CDH23: variants seen among roughly 807,000 people sequenced by gnomAD.
CDH23 encodes cadherin related 23, also known as cadherin-23.
CDH23 carries 189 observed loss-of-function variants against 317.1 expected under a neutral mutation model. The observed-to-expected ratio is 0.60, with a 90% CI of 0.53 to 0.67. CDH23 has a LOEUF of 0.67. CDH23 is among the 30% of genes least tolerant of loss of function. The pLI is 0.00. For synonymous variants in CDH23, 1,839 were observed against 1,876.8 expected (o/e 0.98, Z 0.52); for missense variants, 4,401 against 4,592.4 (o/e 0.96, Z 1.20).
At chr10:71,633,661 A>G (rs1862124457) in intron 11 of CDH23, among the ~76,000 whole-genome samples, 1 of 152,148 alleles carries the variant, frequency 6.6e-6, no homozygotes, top group Admixed American at 6.5e-5. Flanking sequence ...TAGAAAGGAG[A>G]GGGAGATGAA....
intron 3 of CDH23, among the ~76,000 whole-genome samples, chr10:71,496,554 G>C (rs1852983215): frequency 1.3e-5 from 2 of 152,236 alleles, no homozygotes; most frequent in Non-Finnish European, 2.9e-5. Flanking sequence ...AGGCCAGCTA[G>C]TCACAACGTT....
chr10:71,799,594 G>A lies in CDH23; in HGVS notation c.7327G>A (p.Asp2443Asn). Residue 2443 changes from aspartate to asparagine, a missense_variant, in exon 52 of 70, where the codon GAT becomes AAT. Asp to Asn is a conservative substitution (Grantham distance 23, BLOSUM62 1). Transcript: ENST00000224721. ...TGCACTCATTGAGTACAGCCTTGGA[G>A]ATGGAGAGAGCAAGTTTGCCATCAA... ...NFALIEYSLG[D>N]GESKFAINPT... The A allele has an allele frequency of 6.2e-7, 1 of 1,614,084 alleles. No homozygotes were observed. The highest frequency in any genetic ancestry group is 8.5e-7 in the Non-Finnish European group (1 of 1,179,912).
intron 3 of CDH23, among the ~76,000 whole-genome samples, chr10:71,471,190 G>T (rs1851489241): frequency 6.6e-6 from 1 of 152,178 alleles, no homozygotes; most frequent in Non-Finnish European, 1.5e-5. Flanking sequence ...CGCAGTCCCT[G>T]GCTTACTGCA....
At chr10:71,592,951 T>C (rs1859594187) in intron 9 of CDH23, among the ~76,000 whole-genome samples, 1 of 152,184 alleles carries the variant, frequency 6.6e-6, no homozygotes, top group Admixed American at 6.5e-5. Flanking sequence ...ACTCTAGTTA[T>C]CCCATTCTGA....
intron 7 of CDH23, among the ~76,000 whole-genome samples, chr10:71,569,662 G>T (rs1245376425): frequency 6.6e-6 from 1 of 152,322 alleles, no homozygotes; most frequent in African/African-American, 2.4e-5. Context: ...CTTAGAAGTT[G>T]TATGACTGTG....
Position 71,707,017 on chromosome 10 carries a change from G to A in CDH23, c.3074G>A (p.Gly1025Asp), listed in dbSNP as rs143179070. 1,097 of 1,607,446 alleles carry A rather than the reference G, an allele frequency of 6.8e-4. 10 individuals are homozygous for A. In the African/African-American group the frequency reaches 0.012, roughly 18 times the overall value. The change falls in exon 26 of 70, where the codon GGC becomes GAC. Residue 1025 changes from glycine (G) to aspartate (D), a missense_variant. Physicochemically the swap from Gly to Asp is moderately conservative, Grantham distance 94. This residue lies in a region of CDH23 where 3,068 missense variants were observed against 3,203.3 expected (regional missense o/e 0.96). Coordinates refer to ENST00000224721, the MANE Select transcript of CDH23 (RefSeq NM_022124.6). ...CTGAACTGCACGGACAACGACGTGGGCCTCAATGCAGAGCTCAGCTACTTC... is the reference window on the plus strand; with the variant it reads ...CTGAACTGCACGGACAACGACGTGGACCTCAATGCAGAGCTCAGCTACTTC... ...VWLNCTDNDV[G>D]LNAELSYFIT...
chr10:71,638,526 G>A lies in CDH23; in HGVS notation c.1135-5335G>A, dbSNP rs116629937. Among the ~76,000 whole-genome samples the A allele has an allele frequency of 8.2e-3, 1,251 of 152,328 alleles. 23 individuals are homozygous for A. The highest frequency in any genetic ancestry group is 0.029 in the African/African-American group (1,199 of 41,562). ...ATGCGCCAGTGCTGAGAGCCCTCAG[G>A]TAATGAATGACCAAGGGAAGCCATG... On this transcript the variant is annotated intron_variant, in intron 11 of 69. Coordinates refer to ENST00000224721, the MANE Select transcript of CDH23 (RefSeq NM_022124.6).
chr10:71,446,548 G>A (rs190087532), intron 3 of CDH23, among the ~76,000 whole-genome samples, 153 bp downstream of exon 3: 1 of 152,094 alleles, frequency 6.6e-6, no homozygotes, highest in African/African-American at 2.4e-5. Flanking sequence ...ATGCCTCCAG[G>A]GACAGGGCAC....
rs372627407 is a variant in CDH23 at position 71,459,085 on chromosome 10, C to CTTTTTTTTT, written c.145+12700_145+12708dup. Among the ~76,000 whole-genome samples, 164 of 102,556 alleles carry CTTTTTTTTT rather than the reference C, an allele frequency of 1.6e-3. 2 individuals are homozygous for CTTTTTTTTT. The highest frequency in any genetic ancestry group is 2.5e-3 in the Non-Finnish European group (132 of 53,292). The allele number at this position is 102,556 out of a possible 152,430, so 67.3% of individuals were successfully genotyped here. A position where few individuals can be genotyped will look rare whatever the true frequency, so the allele number is the denominator to read the frequency against. ...ACAGGTGTGAGCCACCACACCTGGC[C>CTTTTTTTTT]TTTTTTTTTTTTTTTTTTGTGAGAT... On this transcript the variant is annotated intron_variant, in intron 3 of 69. Coordinates refer to ENST00000224721, the MANE Select transcript of CDH23 (RefSeq NM_022124.6).
At chr10:71,636,244 G>T (rs1265734416) in intron 11 of CDH23, among the ~76,000 whole-genome samples, 1 of 152,136 alleles carries the variant, frequency 6.6e-6, no homozygotes, top group Non-Finnish European at 1.5e-5. Context: ...AGTGGGCCGG[G>T]TGCGGTAGCT....
chr10:71,661,995 C>T (rs2132634927), intron 14 of CDH23, among the ~76,000 whole-genome samples: 1 of 150,584 alleles, frequency 6.6e-6, no homozygotes, highest in East Asian at 2.0e-4. Context: ...ACGGTGCAGC[C>T]CTGGGCTGCG....
rs200572025 is a variant in CDH23 at position 71,812,537 on chromosome 10, G to A, written c.9438G>A (p.Ala3146=). 244 of 1,611,970 alleles carry A rather than the reference G, an allele frequency of 1.5e-4. 1 individual carries two copies. The East Asian group carries it at 1.9e-3, about 13-fold the overall frequency. The change falls in exon 67 of 70, where the codon GCG becomes GCA. Residue 3146 remains alanine, a synonymous_variant. Transcript: ENST00000224721. ...GGAACCTGGAGCTGGCCGCCCAGGC[G>A]GAGCATGAGGATGACCTACCGGAGA... ...FCRNLELAAQ[A]EHEDDLPENL... is the part of the protein sequence containing the mutation.
chr10:71,811,122 G>GT (rs1841907769), intron 62 of CDH23, among the ~76,000 whole-genome samples, 193 bp from the exon 63 acceptor site: 1 of 146,644 alleles, frequency 6.8e-6, no homozygotes, highest in South Asian at 2.2e-4. Context: ...TCCATCCACT[G>GT]TAAGGATGGA....
chr10:71,540,224 C>T (rs946161136), intron 6 of CDH23, among the ~76,000 whole-genome samples: 1 of 152,172 alleles, frequency 6.6e-6, no homozygotes, highest in Non-Finnish European at 1.5e-5. Context: ...GCACAATCCT[C>T]CTGGGTCTGC....
intron 11 of CDH23, among the ~76,000 whole-genome samples, chr10:71,618,567 A>G (rs1204254935): frequency 6.6e-6 from 1 of 152,148 alleles, no homozygotes. Context: ...TAGGTTTTCC[A>G]GCCTGAGGTG....
chr10:71,656,065 GAGA>G (rs1284277041), intron 14 of CDH23, among the ~76,000 whole-genome samples: 1 of 152,094 alleles, frequency 6.6e-6, no homozygotes, highest in African/African-American at 2.4e-5. Context: ...TCAGTCCAAG[GAGA>G]AGATGGGCTG....
At position 71,397,124 on chromosome 10, in the gene CDH23, TGCGAGCG is replaced by T. The variant is rs527578984; in HGVS notation, c.-176_-170del. On this transcript the variant is annotated 5_prime_UTR_variant, in exon 1 of 70. Transcript: ENST00000224721. This position sits in a 1 kb window ranked among gnomAD's most constrained non-coding sequence, Gnocchi z 4.8. ...TCCGAGCCCCCGGCGCGCCTGAAGT[TGCGAGCG>T]GCGAGCGGCGAGCGGCGAGCGGCCC... 134 of 175,598 alleles carry T rather than the reference TGCGAGCG, an allele frequency of 7.6e-4. 1 individual carries two copies. Among genetic ancestry groups the T allele is most frequent in the Middle Eastern group, 3.1e-3 (1 of 322 alleles). 10.9% of individuals were successfully genotyped at this position (175,598 alleles called of 1,614,324 possible).
intron 2 of CDH23, among the ~76,000 whole-genome samples, chr10:71,440,732 C>T (rs1231996308): frequency 6.6e-6 from 1 of 152,192 alleles, no homozygotes; most frequent in Non-Finnish European, 1.5e-5. Flanking sequence ...GGGAGCAAAG[C>T]AGCCCTGGGC....
chr10:71,435,353 G>T (rs1204257574), intron 1 of CDH23, among the ~76,000 whole-genome samples: 1 of 152,240 alleles, frequency 6.6e-6, no homozygotes, highest in East Asian at 1.9e-4. Flanking sequence ...CCTGGGCAGT[G>T]ACAGTCTGTT....
Sources: gnomAD v4.1 joint callset for allele counts (sites outside exome capture counted in the v4.1 genomes callset) on GRCh38, gnomAD v4.1.1 for gene constraint, gnomAD v4.1.1 regional missense constraint, Gnocchi (gnomAD v3.1) non-coding constraint, MANE v1.5 for transcripts, NCBI Gene and HGNC (gene_info 2026-07-23, HGNC 2026-07-21) for gene names.